NID1: variants seen among roughly 807,000 people sequenced by gnomAD.
NID1 encodes the protein nidogen 1.
A neutral mutation model predicts 130.6 loss-of-function variants in NID1; 76 were observed. The ratio of observed to expected loss-of-function variants is 0.58; its 90% CI spans 0.48 to 0.70. The LOEUF is 0.70. Among genes scored for constraint, NID1 ranks in the 30% least tolerant of loss-of-function variants. The probability of loss-of-function intolerance (pLI) is 0.00; values close to 1 mark genes in which losing one functional copy is unlikely to be tolerated. For synonymous variants in NID1, 665 were observed against 675.1 expected (o/e 0.98, Z 0.23); for missense variants, 1,517 against 1,664.8 (o/e 0.91, Z 1.54).
intron 10 of NID1, among the ~76,000 whole-genome samples, chr1:236,015,081 C>T (rs1238810573): frequency 1.3e-5 from 2 of 152,216 alleles, no homozygotes; most frequent in African/African-American, 4.8e-5. Context: ...GAGCCCCCAG[C>T]CCCTCACAGT....
chr1:236,063,549 G>A (rs544687752), intron 1 of NID1, among the ~76,000 whole-genome samples: 1 of 152,062 alleles, frequency 6.6e-6, no homozygotes, highest in Non-Finnish European at 1.5e-5. Flanking sequence ...CATAAGATGT[G>A]TGTTTTTTTA....
intron 10 of NID1, among the ~76,000 whole-genome samples, chr1:236,015,673 G>C (rs1313345084): frequency 1.4e-5 from 2 of 145,840 alleles, no homozygotes; most frequent in African/African-American, 5.1e-5. Flanking sequence ...AAAAAGGGAG[G>C]CTAGAGCTCA....
intron 12 of NID1, among the ~76,000 whole-genome samples, chr1:236,005,691 T>G (rs898668989): frequency 3.9e-5 from 6 of 152,218 alleles, no homozygotes; most frequent in African/African-American, 1.4e-4. Context: ...TAGGGAGGCA[T>G]TCTTTAATGA....
At position 235,980,025 on chromosome 1, in the gene NID1, G is replaced by T. The variant is rs1043352875; in HGVS notation, c.3386-80C>A. ...TGCAAAAAAAACAAGAGTAATGAGGGCAAGAGTGGGAGAAATTAAGCATTA... is the reference window on the plus strand; with the variant it reads ...TGCAAAAAAAACAAGAGTAATGAGGTCAAGAGTGGGAGAAATTAAGCATTA... On this transcript the variant is annotated intron_variant, in intron 17 of 19. Transcript: ENST00000264187. 8 of 1,468,386 alleles carry T rather than the reference G, an allele frequency of 5.4e-6. No homozygotes were observed. The African/African-American group carries it at 9.8e-5, about 18-fold the overall frequency. The allele number at this position is 1,468,386 out of a possible 1,614,324, so 91.0% of individuals were successfully genotyped here.
chr1:236,012,192 A>C, intron 11 of NID1, 149 bp from the exon 12 acceptor site: 1 of 861,066 alleles, frequency 1.2e-6, no homozygotes, highest in South Asian at 1.7e-5. Context: ...TTAACTATCA[A>C]GTCACTAACT....
chr1:235,997,143 C>CT (rs1028354228), intron 12 of NID1, among the ~76,000 whole-genome samples: 24 of 151,948 alleles, frequency 1.6e-4, no homozygotes, highest in South Asian at 4.2e-4. Flanking sequence ...CTCCTCTCTG[C>CT]TTTTTTTTGA....
intron 14 of NID1, among the ~76,000 whole-genome samples, chr1:235,988,463 A>G (rs889484851): frequency 1.3e-5 from 2 of 152,240 alleles, no homozygotes; most frequent in Non-Finnish European, 2.9e-5. Flanking sequence ...TGTGGAAAAC[A>G]GTATGGTTGT....
chr1:236,025,542 A>G (rs10754844), intron 8 of NID1, among the ~76,000 whole-genome samples: 71,022 of 152,016 alleles, frequency 0.47, 18,550 homozygotes, highest in African/African-American at 0.71. Flanking sequence ...GATTACAGGC[A>G]TGAGCCACTG....
At chr1:236,014,615 G>A (rs1008878883) in intron 10 of NID1, among the ~76,000 whole-genome samples, 1 of 152,108 alleles carries the variant, frequency 6.6e-6, no homozygotes, top group Non-Finnish European at 1.5e-5. Flanking sequence ...ACCCTTAAGA[G>A]AATCACAGTC....
At chr1:236,033,611 C>T (rs1351039566) in intron 5 of NID1, among the ~76,000 whole-genome samples, 1 of 152,150 alleles carries the variant, frequency 6.6e-6, no homozygotes, top group East Asian at 1.9e-4. Context: ...ATTTAGACAA[C>T]TGGGAACGAT....
intron 9 of NID1, among the ~76,000 whole-genome samples, chr1:236,020,036 TAAAAAAA>T (rs57925295): frequency 2.3e-5 from 2 of 88,376 alleles, no homozygotes; most frequent in African/African-American, 8.8e-5. Context: ...GACTCTGCCT[TAAAAAAA>T]AAAAAAAAAA....
intron 1 of NID1, among the ~76,000 whole-genome samples, chr1:236,061,439 T>C (rs1660033018): frequency 6.6e-6 from 1 of 152,052 alleles, no homozygotes; most frequent in South Asian, 2.1e-4. Flanking sequence ...AAAATACAGC[T>C]TCGTTTATGA....
At position 235,981,730 on chromosome 1, in the gene NID1, G is replaced by C; in HGVS notation, c.3108C>G (p.Phe1036Leu). Residue 1036 changes from phenylalanine to leucine, a missense_variant, in exon 16 of 20, where the codon TTC (phenylalanine) becomes TTG (leucine). Transcript: ENST00000264187. ...TTCGATCCAGGTTAGAGTCTGTCCA[G>C]AAGATGTTGCGGCCAAGGTGATCAA... is the stretch of plus-strand genomic sequence containing the variant. ...IAVDHLGRNI[F>L]WTDSNLDRIE... 2 of 1,614,172 alleles carry C rather than the reference G, an allele frequency of 1.2e-6. No homozygotes were observed. Among genetic ancestry groups the C allele is most frequent in the Non-Finnish European group, 1.7e-6 (2 of 1,180,010 alleles).
chr1:236,027,694 T>C (rs781093616), intron 7 of NID1, among the ~76,000 whole-genome samples: 25 of 152,020 alleles, frequency 1.6e-4, no homozygotes, highest in Non-Finnish European at 3.2e-4. Context: ...CCATGCCTGG[T>C]GGTAGGCGCC....
At chr1:235,983,591 G>A (rs1418042553) in intron 15 of NID1, among the ~76,000 whole-genome samples, 3 of 152,110 alleles carry the variant, frequency 2.0e-5, no homozygotes, top group African/African-American at 4.8e-5. Context: ...GCATCTTTGC[G>A]AGGCACCTGG....
intron 1 of NID1, among the ~76,000 whole-genome samples, chr1:236,054,188 G>C (rs1253366704): frequency 6.6e-6 from 1 of 152,210 alleles, no homozygotes; most frequent in Non-Finnish European, 1.5e-5. Context: ...AGGCGAGGTG[G>C]CTTGCTCCTA....
At chr1:236,009,284 G>T (rs1364618165) in intron 12 of NID1, among the ~76,000 whole-genome samples, 1 of 152,152 alleles carries the variant, frequency 6.6e-6, no homozygotes, top group Non-Finnish European at 1.5e-5. Flanking sequence ...AAGATGTCTG[G>T]CCGTCTGTGA....
intron 7 of NID1, 28 bp downstream of exon 7, chr1:236,029,522 C>T: frequency 6.5e-7 from 1 of 1,546,232 alleles, no homozygotes; most frequent in South Asian, 1.2e-5. Context: ...CGGTCTGGGG[C>T]TGGCCCTGGG....
chr1:236,038,607 G>A (rs999912526), intron 4 of NID1, among the ~76,000 whole-genome samples: 1 of 151,368 alleles, frequency 6.6e-6, no homozygotes, highest in Non-Finnish European at 1.5e-5. Context: ...ATCCAAACTA[G>A]TGAGAACAAT....
Sources: allele counts gnomAD v4.1 joint callset (sites outside exome capture counted in the v4.1 genomes callset), GRCh38; gene constraint gnomAD v4.1.1; transcripts MANE v1.5; gene names NCBI Gene and HGNC (gene_info 2026-07-23, HGNC 2026-07-21).